The following PRKAR1A variants were observed in gnomAD, a reference collection of about 807,000 sequenced individuals.
PRKAR1A encodes protein kinase cAMP-dependent type I regulatory subunit alpha.
In PRKAR1A, 3 loss-of-function variants were observed where a neutral mutation model predicts 52.0. The observed-to-expected ratio is 0.06, with a 90% CI of 0.03 to 0.15. The LOEUF (loss-of-function observed/expected upper bound fraction) is 0.15. Ranked by LOEUF, PRKAR1A falls within the 10% of genes least tolerant of loss-of-function variation. PRKAR1A has a pLI of 1.00. For synonymous variants in PRKAR1A, 188 were observed against 168.4 expected, an observed-to-expected ratio of 1.12 and a Z score of -0.90; for missense variants, 240 against 477.4, an observed-to-expected ratio of 0.50 and a Z score of 4.63.
chr17:68,529,223 T>G (rs543539026), intron 9 of PRKAR1A, among the ~76,000 whole-genome samples: 1 of 152,314 alleles, frequency 6.6e-6, no homozygotes, highest in South Asian at 2.1e-4. Flanking sequence ...TCAGAATTCT[T>G]GAAGGGCCCT....
At chr17:68,426,242 T>TTGGG in the PRKAR1A span, 2 of 669,004 alleles carry the variant, frequency 3.0e-6, no homozygotes, top group Non-Finnish European at 4.4e-6. Flanking sequence ...ACCTGGCGGG[T>TTGGG]GGGGAGCGGG....
chr17:68,420,404 C>A, the PRKAR1A span: 1 of 1,614,194 alleles, frequency 6.2e-7, no homozygotes, highest in Non-Finnish European at 8.5e-7. Flanking sequence ...CACTCAGGAC[C>A]CTTCAGTAAC....
In PRKAR1A at chr17:68,531,037, C is replaced by G. The variant is rs754670746; in HGVS notation, c.*588C>G. 3 of 1,020,116 alleles carry G rather than the reference C, an allele frequency of 2.9e-6. No homozygotes were observed. The highest frequency in any genetic ancestry group is 3.6e-6 in the Non-Finnish European group (3 of 843,892). 63.2% of individuals were successfully genotyped at this position (1,020,116 alleles called of 1,614,324 possible). A position where few individuals can be genotyped will look rare whatever the true frequency, so the allele number is the denominator to read the frequency against. The stretch of plus-strand genomic sequence containing the variant: ...TATGATTGGTTCAGTTTTTTTTTTT[C>G]CAGAGTTGTTGTTTGCCAAGCTAAT... On this transcript the variant is annotated 3_prime_UTR_variant, in exon 11 of 11. Transcript: ENST00000589228.
chr17:68,457,730 C>T, the PRKAR1A span, among the ~76,000 whole-genome samples: 1 of 151,960 alleles, frequency 6.6e-6, no homozygotes, highest in Admixed American at 6.5e-5. Context: ...GCGGGCACCG[C>T]CCCCCTTGGC....
chr17:68,486,510 T>TTCCTTCCTTCC, the PRKAR1A span, among the ~76,000 whole-genome samples: 4 of 38,100 alleles, frequency 1.0e-4, no homozygotes, highest in African/African-American at 1.9e-4. Flanking sequence ...TCCTTCCTTC[T>TTCCTTCCTTCC]TTCTTTCTTT....
At chr17:68,443,465 G>T in the PRKAR1A span, among the ~76,000 whole-genome samples, 1 of 152,172 alleles carries the variant, frequency 6.6e-6, no homozygotes, top group Non-Finnish European at 1.5e-5. Context: ...TGAAAGCACT[G>T]AAATCAACAG....
intron 11 of PRKAR1A, chr17:68,542,175 G>GAGAGGA: frequency 6.2e-7 from 1 of 1,613,368 alleles, no homozygotes; most frequent in Non-Finnish European, 8.5e-7. Context: ...GCTGGAGGAT[G>GAGAGGA]GGGAGGAGAG....
chr17:68,451,728 C>A, the PRKAR1A span, among the ~76,000 whole-genome samples: 1 of 152,176 alleles, frequency 6.6e-6, no homozygotes, highest in Non-Finnish European at 1.5e-5. Context: ...TCCCCCCACC[C>A]CCTATCTTGC....
intron 11 of PRKAR1A, among the ~76,000 whole-genome samples, chr17:68,550,369 CTTTTTTTT>C (rs747654899): frequency 8.8e-5 from 7 of 79,390 alleles, no homozygotes; most frequent in South Asian, 5.8e-4. Context: ...AATGGGGGAA[CTTTTTTTT>C]TTTTTTTTTT....
At chr17:68,488,681 G>C in the PRKAR1A span, among the ~76,000 whole-genome samples, 35 of 141,378 alleles carry the variant, frequency 2.5e-4, no homozygotes, top group South Asian at 4.6e-4. Context: ...AGTGAGCTGA[G>C]ATCATGCCAC....
Position 68,529,954 on chromosome 17 carries a change from A to G in PRKAR1A, c.926A>G (p.Asn309Ser), listed in dbSNP as rs756663310. 6.2e-7 allele frequency: 1 copy of G among 1,614,126 alleles called. No individual in the cohort carries two copies. Among genetic ancestry groups the G allele is most frequent in the Admixed American group, 1.7e-5 (1 of 60,016 alleles). ...SAAVLQRRSE[N>S]EEFVEVGRLG... ...GCTGTGCTACAACGTCGGTCAGAAA[A>G]TGAAGAGTTTGTTGAAGTGGGAAGA... The change falls in exon 10 of 11, where the codon AAT becomes AGT. Residue 309 changes from asparagine (N) to serine (S), a missense_variant. By Grantham distance (46) the Asn-to-Ser change is conservative. Coordinates refer to ENST00000589228, the MANE Select transcript of PRKAR1A (RefSeq NM_002734.5).
chr17:68,444,693 C>G, the PRKAR1A span: 1 of 891,228 alleles, frequency 1.1e-6, no homozygotes, highest in Non-Finnish European at 1.7e-6. Flanking sequence ...TGATTCTAAG[C>G]CTAAAGCAGA....
At chr17:68,546,942 G>A (rs2086601439) in intron 11 of PRKAR1A, among the ~76,000 whole-genome samples, 1 of 152,218 alleles carries the variant, frequency 6.6e-6, no homozygotes, top group South Asian at 2.1e-4. Flanking sequence ...AGTCTCCTCG[G>A]ACATCTCCAG....
intron 1 of PRKAR1A, among the ~76,000 whole-genome samples, chr17:68,513,585 ATAAT>A (rs2085339215): frequency 6.6e-6 from 1 of 152,256 alleles, no homozygotes; most frequent in South Asian, 2.1e-4. Context: ...AAGCAGTTAA[ATAAT>A]TGTGTGTGGG....
the PRKAR1A span, among the ~76,000 whole-genome samples, chr17:68,498,674 G>C: frequency 6.6e-6 from 1 of 152,194 alleles, no homozygotes; most frequent in Admixed American, 6.5e-5. Context: ...TCAGTTCTTG[G>C]AAACCTGGCA....
chr17:68,457,600 G>A, the PRKAR1A span: 93 of 323,320 alleles, frequency 2.9e-4, no homozygotes, highest in Non-Finnish European at 3.5e-4. Context: ...CGTCCCCGCC[G>A]CGTCCCCGGC....
the PRKAR1A span, chr17:68,420,105 T>C: frequency 1.8e-3 from 2,606 of 1,475,418 alleles, 7 homozygotes; most frequent in Non-Finnish European, 2.2e-3. Context: ...TTTGAATTAA[T>C]GTAGAATCAC....
chr17:68,501,045 T>C, the PRKAR1A span, among the ~76,000 whole-genome samples: 6 of 152,358 alleles, frequency 3.9e-5, no homozygotes, highest in East Asian at 1.2e-3. Flanking sequence ...CTCTCATCTC[T>C]TACTGGTTGG....
rs202090214 is a variant in PRKAR1A at position 68,543,629 on chromosome 17, C to T, written c.974-7455C>T. ...CCATCTCCATGGGGCCAGACCCTACCTGTCCAGATGGAAAGCTGCGATCTC... is the reference window on the plus strand; with the variant it reads ...CCATCTCCATGGGGCCAGACCCTACTTGTCCAGATGGAAAGCTGCGATCTC... On this transcript the variant is annotated intron_variant, in intron 11 of 11. Coordinates refer to the PRKAR1A transcript ENST00000585981. The T allele has an allele frequency of 1.9e-6, 3 of 1,614,058 alleles. No individual in the cohort carries two copies. In the African/African-American group the frequency reaches 4.0e-5, roughly 22 times the overall value.
Sources: gnomAD v4.1 joint callset for allele counts (sites outside exome capture counted in the v4.1 genomes callset) on GRCh38, gnomAD v4.1.1 for gene constraint, MANE v1.5 for transcripts, NCBI Gene and HGNC (gene_info 2026-07-23, HGNC 2026-07-21) for gene names.